Variants in GRID2 observed in about 807,000 individuals in gnomAD.
GRID2 encodes glutamate ionotropic receptor delta type subunit 2.
GRID2 carries 33 observed loss-of-function variants against 114.8 expected under a neutral mutation model. The ratio of observed to expected loss-of-function variants is 0.29; its 90% CI spans 0.22 to 0.38. The LOEUF is 0.38. GRID2 is among the 10% of genes least tolerant of loss of function. GRID2 has a pLI of 1.00. For synonymous variants in GRID2, 505 were observed against 449.9 expected, an observed-to-expected ratio of 1.12 and a Z score of -1.55; for missense variants, 1,184 against 1,257.7, an observed-to-expected ratio of 0.94 and a Z score of 0.89.
At chr4:93,805,142 A>T (rs529257431) in intron 1 of GRID2, among the ~76,000 whole-genome samples, 4 of 152,344 alleles carry the variant, frequency 2.6e-5, no homozygotes, top group African/African-American at 9.6e-5. Flanking sequence ...TTCACACTGC[A>T]TGCTAGTCTA....
chr4:92,936,902 T>C (rs1419801604), intron 2 of GRID2, among the ~76,000 whole-genome samples: 2 of 147,004 alleles, frequency 1.4e-5, no homozygotes, highest in African/African-American at 4.9e-5. Context: ...TGAAGTGATA[T>C]GTTCTTTTAA....
chr4:93,059,915 G>T (rs1485557689), intron 2 of GRID2, among the ~76,000 whole-genome samples: 2 of 151,602 alleles, frequency 1.3e-5, no homozygotes, highest in African/African-American at 4.8e-5. Context: ...TATATTGATA[G>T]TTTCTTTTTC....
intron 12 of GRID2, among the ~76,000 whole-genome samples, chr4:93,499,135 C>G (rs578108570): frequency 1.4e-4 from 22 of 151,800 alleles, no homozygotes; most frequent in Non-Finnish European, 2.8e-4. Context: ...TTCCCCGCTT[C>G]TATTTCTTCT....
At chr4:92,799,288 T>C (rs148471669) in intron 2 of GRID2, among the ~76,000 whole-genome samples, 3 of 151,998 alleles carry the variant, frequency 2.0e-5, no homozygotes, top group Non-Finnish European at 4.4e-5. Flanking sequence ...GCTCCTGTGA[T>C]AACCTAATGC....
intron 2 of GRID2, among the ~76,000 whole-genome samples, chr4:92,779,463 A>G (rs1738968115): frequency 6.6e-6 from 1 of 152,124 alleles, no homozygotes; most frequent in African/African-American, 2.4e-5. Flanking sequence ...ATTTAACTAA[A>G]AGAGCTTAAA....
chr4:92,877,548 T>C (rs1745721502), intron 2 of GRID2, among the ~76,000 whole-genome samples: 1 of 152,152 alleles, frequency 6.6e-6, no homozygotes, highest in African/African-American at 2.4e-5. Flanking sequence ...CACATTCTTA[T>C]GTACAAGATA....
chr4:93,437,235 A>G (rs187572641), intron 10 of GRID2, among the ~76,000 whole-genome samples: 105 of 152,260 alleles, frequency 6.9e-4, no homozygotes, highest in African/African-American at 2.3e-3. Context: ...GATAAGTACT[A>G]CTATTATCTC....
At chr4:92,411,655 G>GTGTGTATATATATATATA in intron 1 of GRID2, among the ~76,000 whole-genome samples, 3 of 84,684 alleles carry the variant, frequency 3.5e-5, no homozygotes, top group African/African-American at 1.8e-4. Flanking sequence ...GTGTGTGTGT[G>GTGTGTATATATATATATA]TATATATATA....
intron 2 of GRID2, among the ~76,000 whole-genome samples, chr4:92,894,813 G>A: frequency 6.6e-6 from 1 of 152,070 alleles, no homozygotes; most frequent in East Asian, 1.9e-4. Flanking sequence ...CCATAAGCCT[G>A]TTTCCCTCCT....
chr4:92,387,405 G>A (rs896917644), intron 1 of GRID2, among the ~76,000 whole-genome samples: 3 of 151,966 alleles, frequency 2.0e-5, no homozygotes, highest in Non-Finnish European at 4.4e-5. Context: ...AGCAAGTTGT[G>A]TGGAGAATGT....
intron 2 of GRID2, among the ~76,000 whole-genome samples, chr4:92,701,041 C>T (rs1310277633): frequency 6.7e-6 from 1 of 148,856 alleles, no homozygotes; most frequent in African/African-American, 2.5e-5. Flanking sequence ...AAGGGTTGAA[C>T]AAAATAAAAT....
chr4:92,982,333 A>G (rs1008265357), intron 2 of GRID2, among the ~76,000 whole-genome samples: 1 of 152,106 alleles, frequency 6.6e-6, no homozygotes, highest in Non-Finnish European at 1.5e-5. Context: ...TGAATATTAC[A>G]TGTAAATTTC....
intron 2 of GRID2, among the ~76,000 whole-genome samples, chr4:92,868,070 G>T (rs77689941): frequency 0.16 from 18,110 of 111,490 alleles, 1,277 homozygotes; most frequent in Admixed American, 0.25. Context: ...CTTTCTTTCT[G>T]TCTGTCTGTC....
intron 1 of GRID2, among the ~76,000 whole-genome samples, chr4:92,415,430 G>C (rs1313725862): frequency 6.6e-6 from 1 of 151,814 alleles, no homozygotes; most frequent in Non-Finnish European, 1.5e-5. Flanking sequence ...CCCAAGCAGT[G>C]TACACTGTAC....
At chr4:92,364,696 G>A (rs1421339085) in intron 1 of GRID2, among the ~76,000 whole-genome samples, 3 of 151,800 alleles carry the variant, frequency 2.0e-5, no homozygotes, top group Non-Finnish European at 2.9e-5. Flanking sequence ...TTTTGTGGTA[G>A]TAACAGAGGG....
intron 2 of GRID2, among the ~76,000 whole-genome samples, chr4:92,667,410 T>C (rs1030826901): frequency 6.6e-6 from 1 of 151,628 alleles, no homozygotes; most frequent in Non-Finnish European, 1.5e-5. Flanking sequence ...TCCCATAATA[T>C]AAAATTTAGA....
chr4:93,174,281 C>T (rs917727316), intron 4 of GRID2, among the ~76,000 whole-genome samples: 1 of 152,120 alleles, frequency 6.6e-6, no homozygotes, highest in African/African-American at 2.4e-5. Flanking sequence ...CCCAAAACCC[C>T]AACCCTGACA....
intron 2 of GRID2, among the ~76,000 whole-genome samples, chr4:92,857,206 A>G (rs1159564292): frequency 2.0e-5 from 3 of 152,188 alleles, no homozygotes; most frequent in African/African-American, 7.2e-5. Context: ...TAACAATCCT[A>G]CAATGATCTT....
At chr4:92,572,197 G>T (rs1727660601) in intron 1 of GRID2, among the ~76,000 whole-genome samples, 1 of 151,726 alleles carries the variant, frequency 6.6e-6, no homozygotes, top group Non-Finnish European at 1.5e-5. Flanking sequence ...ATGATAAAGG[G>T]GATATCACCA....
Sources: allele counts gnomAD v4.1 joint callset (sites outside exome capture counted in the v4.1 genomes callset), GRCh38; gene constraint gnomAD v4.1.1; transcripts MANE v1.5; gene names NCBI Gene and HGNC (gene_info 2026-07-23, HGNC 2026-07-21).